NEK6: variants seen among roughly 807,000 people sequenced by gnomAD.
NEK6 encodes NIMA related kinase 6, also known as serine/threonine-protein kinase Nek6.
Under a neutral mutation model 43.5 loss-of-function variants are expected in NEK6, and 27 were observed. The ratio of observed to expected loss-of-function variants is 0.62; its 90% CI spans 0.46 to 0.86. The LOEUF (loss-of-function observed/expected upper bound fraction) is 0.86. NEK6 is among the 40% of genes least tolerant of loss of function. The pLI is 0.00. For missense variants in NEK6, 318 were observed against 414.4 expected (o/e 0.77, Z 2.02); for synonymous variants, 167 against 164.1 (o/e 1.02, Z -0.14).
intron 1 of NEK6, among the ~76,000 whole-genome samples, chr9:124,260,415 A>T (rs1270247491): frequency 6.6e-6 from 1 of 152,066 alleles, no homozygotes; most frequent in African/African-American, 2.4e-5. Flanking sequence ...TATTTTTGAG[A>T]CAGAGTCTCA....
chr9:124,277,939 G>A (rs879748187), intron 1 of NEK6, among the ~76,000 whole-genome samples: 2 of 152,120 alleles, frequency 1.3e-5, no homozygotes, highest in Admixed American at 1.3e-4. Flanking sequence ...TGTTTATTTG[G>A]GTCTGAGAAG....
intron 7 of NEK6, among the ~76,000 whole-genome samples, chr9:124,331,067 A>G (rs1828960018): frequency 6.6e-6 from 1 of 152,090 alleles, no homozygotes; most frequent in African/African-American, 2.4e-5. Flanking sequence ...GTTTGAGACC[A>G]GCCTGGCCAA....
At chr9:124,306,455 G>A (rs1833259047) in intron 2 of NEK6, among the ~76,000 whole-genome samples, 1 of 152,152 alleles carries the variant, frequency 6.6e-6, no homozygotes, top group African/African-American at 2.4e-5. Flanking sequence ...GGAGTGCGGT[G>A]CAGACGTCTT....
intron 1 of NEK6, among the ~76,000 whole-genome samples, chr9:124,271,892 G>C (rs1394336769): frequency 2.0e-5 from 3 of 152,266 alleles, no homozygotes; most frequent in Non-Finnish European, 4.4e-5. Context: ...CTCTGTGGCT[G>C]TACTTGTGCC....
At chr9:124,331,469 A>G (rs1828996761) in intron 7 of NEK6, among the ~76,000 whole-genome samples, 1 of 152,044 alleles carries the variant, frequency 6.6e-6, no homozygotes, top group Non-Finnish European at 1.5e-5. Flanking sequence ...AGCCTACAGC[A>G]TGGCCCAGGG....
rs144129903 is a variant in NEK6, at chr9:124,352,557, C to G, written c.*1610C>G. 1.4e-4 allele frequency: 21 copies of G among 151,840 alleles called. No homozygotes were observed. The East Asian group carries it at 2.9e-3, about 21-fold the overall frequency. The allele number at this position is 151,840 out of a possible 1,614,324, so 9.4% of individuals were successfully genotyped here. Reference sequence around the variant, plus strand: ...ACTTCCCAGGCCCCATTCAGTAATCCCAGGATTTCTTTAAGCTCCCCAAAT... The same window carrying G: ...ACTTCCCAGGCCCCATTCAGTAATCGCAGGATTTCTTTAAGCTCCCCAAAT... On this transcript the variant is annotated 3_prime_UTR_variant, in exon 10 of 10. Transcript: ENST00000320246.
At chr9:124,276,560 T>C (rs1224883676) in intron 1 of NEK6, among the ~76,000 whole-genome samples, 1 of 152,226 alleles carries the variant, frequency 6.6e-6, no homozygotes, top group East Asian at 1.9e-4. Flanking sequence ...CGACAGTGGC[T>C]GGAACAGTGG....
intron 1 of NEK6, among the ~76,000 whole-genome samples, chr9:124,264,376 C>G (rs769180798): frequency 2.6e-5 from 4 of 152,204 alleles, no homozygotes; most frequent in African/African-American, 9.7e-5. Context: ...CCTCTACTCC[C>G]TCATCCGGAA....
intron 1 of NEK6, among the ~76,000 whole-genome samples, chr9:124,289,363 T>C (rs1832310168): frequency 6.6e-6 from 1 of 152,090 alleles, no homozygotes; most frequent in Non-Finnish European, 1.5e-5. Context: ...TGAGTCTCAG[T>C]TTCCTCATCT....
In NEK6 at chr9:124,324,850, C is replaced by T. The variant is rs982627885; in HGVS notation, c.406-1480C>T. Among the ~76,000 whole-genome samples, 25 of 152,162 alleles carry T rather than the reference C, an allele frequency of 1.6e-4. No individual in the cohort carries two copies. Among genetic ancestry groups the T allele is most frequent in the Admixed American group, 1.0e-3 (16 of 15,278 alleles). ...GTTCCTGAACCTCTGAGCTCAGTCT[C>T]CCATATCAATGGTTACTGGTGTTAT... is the stretch of plus-strand genomic sequence containing the variant. On this transcript the variant is annotated intron_variant, in intron 5 of 9. Transcript: ENST00000320246. This position sits in a 1 kb window ranked among gnomAD's most constrained non-coding sequence, Gnocchi z 5.3.
chr9:124,342,992 CTT>C (rs1389348356), intron 8 of NEK6, among the ~76,000 whole-genome samples: 2 of 152,336 alleles, frequency 1.3e-5, no homozygotes, highest in South Asian at 4.1e-4. Flanking sequence ...CTGCCTCAGT[CTT>C]TGTCTCGGCT....
At chr9:124,278,359 T>A (rs1418674069) in intron 1 of NEK6, among the ~76,000 whole-genome samples, 1 of 151,854 alleles carries the variant, frequency 6.6e-6, no homozygotes, top group Non-Finnish European at 1.5e-5. Context: ...TTTGTAGGCG[T>A]TGGGGGCATG....
intron 4 of NEK6, among the ~76,000 whole-genome samples, chr9:124,318,632 A>T (rs1246149509): frequency 1.3e-5 from 2 of 151,832 alleles, no homozygotes; most frequent in South Asian, 4.2e-4. Context: ...TTGAAGAATC[A>T]CTGTTCATGT....
chr9:124,296,062 G>A (rs1005681355), intron 1 of NEK6, among the ~76,000 whole-genome samples: 6 of 152,346 alleles, frequency 3.9e-5, no homozygotes, highest in South Asian at 2.1e-4. Context: ...TGTCCTTGCC[G>A]GGCCTCCGAT....
chr9:124,325,431 G>A (rs1396198902), intron 5 of NEK6, among the ~76,000 whole-genome samples: 1 of 152,264 alleles, frequency 6.6e-6, no homozygotes, highest in African/African-American at 2.4e-5. Flanking sequence ...CCCAGCACCA[G>A]AGCAGCTGCC....
chr9:124,298,819 G>A (rs554444371), intron 1 of NEK6, among the ~76,000 whole-genome samples: 29 of 152,326 alleles, frequency 1.9e-4, no homozygotes, highest in African/African-American at 6.5e-4. Context: ...ACCTCATGGA[G>A]TTGTTGACAA....
At chr9:124,292,675 C>A in intron 1 of NEK6, 2 of 1,252,952 alleles carry the variant, frequency 1.6e-6, no homozygotes, top group Non-Finnish European at 2.2e-6. Context: ...CCCAGCCTCT[C>A]CCCAGTGGTC....
chr9:124,334,390 C>T (rs1411232434), intron 7 of NEK6, among the ~76,000 whole-genome samples: 3 of 152,174 alleles, frequency 2.0e-5, no homozygotes, highest in Non-Finnish European at 4.4e-5. Flanking sequence ...CTCCAAATTG[C>T]ATTTGGATGT....
Position 124,326,210 on chromosome 9 carries a change from C to CCCCCCCCCCCCCCCCCCCCCCCCT in NEK6, c.406-117_406-116insCCCCCCCCCCCCCCCCCCCCTCCC. The CCCCCCCCCCCCCCCCCCCCCCCCT allele has an allele frequency of 5.1e-6, 1 of 197,118 alleles. No homozygotes were observed. The highest frequency in any genetic ancestry group is 4.4e-5 in the South Asian group (1 of 22,558). 12.2% of individuals were successfully genotyped at this position (197,118 alleles called of 1,614,324 possible). On this transcript the variant is annotated intron_variant, in intron 5 of 9. Coordinates refer to ENST00000320246, the MANE Select transcript of NEK6 (RefSeq NM_014397.6). This position sits in a 1 kb window ranked among gnomAD's most constrained non-coding sequence, Gnocchi z 4.5. ...TTTGCTCAGTGGCTCAATCCCCCCC[C>CCCCCCCCCCCCCCCCCCCCCCCCT]CCCGCCCCTGCCAGGCACCAGTTAC...
Sources: allele counts gnomAD v4.1 joint callset (sites outside exome capture counted in the v4.1 genomes callset), GRCh38; gene constraint gnomAD v4.1.1; non-coding constraint Gnocchi (gnomAD v3.1); transcripts MANE v1.5; gene names NCBI Gene and HGNC (gene_info 2026-07-23, HGNC 2026-07-21).